SYNDIG1: variants seen among roughly 807,000 people sequenced by gnomAD.
The protein encoded by SYNDIG1 is synapse differentiation-inducing gene protein 1.
A neutral mutation model predicts 19.4 loss-of-function variants in SYNDIG1; 9 were observed. The observed-to-expected ratio is 0.46, with a 90% CI of 0.28 to 0.81. The LOEUF (loss-of-function observed/expected upper bound fraction) is 0.81, where lower values mean the gene tolerates loss of function less well. Ranked by LOEUF, SYNDIG1 falls within the 30% of genes least tolerant of loss-of-function variation. SYNDIG1 has a pLI of 0.12. For synonymous variants in SYNDIG1, 141 were observed against 145.9 expected, an observed-to-expected ratio of 0.97 and a Z score of 0.24; for missense variants, 311 against 343.3, an observed-to-expected ratio of 0.91 and a Z score of 0.74.
intron 3 of SYNDIG1, among the ~76,000 whole-genome samples, chr20:24,644,820 G>T (rs377034167): frequency 6.6e-6 from 1 of 152,118 alleles, no homozygotes; most frequent in Admixed American, 6.6e-5. Context: ...AGCCACTGGG[G>T]TACTTAGCCA....
chr20:24,496,776 C>T (rs1435169455), intron 1 of SYNDIG1, among the ~76,000 whole-genome samples: 2 of 152,190 alleles, frequency 1.3e-5, no homozygotes, highest in Non-Finnish European at 2.9e-5. Context: ...TATCCCCTGA[C>T]ACAATATACC....
intron 2 of SYNDIG1, among the ~76,000 whole-genome samples, chr20:24,584,393 C>A (rs2058378379): frequency 6.6e-6 from 1 of 152,262 alleles, no homozygotes; most frequent in African/African-American, 2.4e-5. Context: ...CGCGCCTGGA[C>A]TATGCCTTCT....
intron 3 of SYNDIG1, among the ~76,000 whole-genome samples, chr20:24,653,124 CTTTA>C (rs756847973): frequency 2.6e-5 from 4 of 152,124 alleles, no homozygotes; most frequent in African/African-American, 7.2e-5. Context: ...TTCATAAAAT[CTTTA>C]TTTAAGTTAT....
chr20:24,565,279 G>A (rs950731886), intron 2 of SYNDIG1, among the ~76,000 whole-genome samples: 1 of 152,222 alleles, frequency 6.6e-6, no homozygotes, highest in African/African-American at 2.4e-5. Flanking sequence ...TACAATGCAA[G>A]AAGTATCTTT....
intron 3 of SYNDIG1, among the ~76,000 whole-genome samples, chr20:24,631,195 G>T (rs1006073616): frequency 2.0e-5 from 3 of 152,240 alleles, no homozygotes; most frequent in African/African-American, 7.2e-5. Flanking sequence ...ATTGAAGTCT[G>T]GGGAAATTAG....
At chr20:24,511,520 G>C (rs980650289) in intron 1 of SYNDIG1, among the ~76,000 whole-genome samples, 1 of 152,068 alleles carries the variant, frequency 6.6e-6, no homozygotes, top group Admixed American at 6.6e-5. Context: ...TCCCGTCTTT[G>C]TTTGGGGGTC....
chr20:24,549,594 G>C (rs1016902519), intron 2 of SYNDIG1, among the ~76,000 whole-genome samples: 17 of 152,140 alleles, frequency 1.1e-4, no homozygotes, highest in African/African-American at 3.9e-4. Context: ...GTGTCTAGGG[G>C]TGGGTGACTG....
At position 24,528,291 on chromosome 20, in the gene SYNDIG1, G is replaced by A. The variant is rs368948748; in HGVS notation, c.-78-14729G>A. Among the ~76,000 whole-genome samples, 11 of 152,206 alleles carry A rather than the reference G, an allele frequency of 7.2e-5. No individual in the cohort carries two copies. In the East Asian group the frequency reaches 1.7e-3, roughly 24 times the overall value. ...TATGGTTGTTTTATAATCTTCATCT[G>A]AAAGTGTTAATACCTACATTCACTG... On this transcript the variant is annotated intron_variant, in intron 1 of 3. Transcript: ENST00000376862.
chr20:24,590,377 G>A (rs1290172726), intron 3 of SYNDIG1, among the ~76,000 whole-genome samples: 1 of 152,170 alleles, frequency 6.6e-6, no homozygotes, highest in Non-Finnish European at 1.5e-5. Context: ...TCTTTAGGCT[G>A]TGACCGAGCG....
intron 2 of SYNDIG1, among the ~76,000 whole-genome samples, chr20:24,558,019 GT>G: frequency 6.6e-6 from 1 of 152,292 alleles, no homozygotes; most frequent in South Asian, 2.1e-4. Flanking sequence ...AAAGTTAGGG[GT>G]TTATATAGCA....
intron 2 of SYNDIG1, among the ~76,000 whole-genome samples, chr20:24,551,516 C>T (rs961929675): frequency 6.6e-6 from 1 of 151,402 alleles, no homozygotes; most frequent in African/African-American, 2.4e-5. Flanking sequence ...GACATCCTGC[C>T]CTCTGTTTCC....
At chr20:24,547,751 TCTC>T (rs1190721754) in intron 2 of SYNDIG1, among the ~76,000 whole-genome samples, 1 of 152,126 alleles carries the variant, frequency 6.6e-6, no homozygotes, top group African/African-American at 2.4e-5. Flanking sequence ...GGAAGCCACT[TCTC>T]CTTTCACACA....
At chr20:24,605,821 G>A (rs995111661) in intron 3 of SYNDIG1, among the ~76,000 whole-genome samples, 11 of 152,214 alleles carry the variant, frequency 7.2e-5, no homozygotes, top group African/African-American at 1.7e-4. Flanking sequence ...AGCCTGTGAC[G>A]TGTGGGACCC....
intron 3 of SYNDIG1, among the ~76,000 whole-genome samples, chr20:24,661,512 A>T (rs150750015): frequency 2.4e-5 from 3 of 124,400 alleles, no homozygotes; most frequent in Admixed American, 8.0e-5. Context: ...AAGAGGGAGG[A>T]AGGAGGGAGG....
chr20:24,602,976 C>G (rs1375096506), intron 3 of SYNDIG1, among the ~76,000 whole-genome samples: 1 of 152,118 alleles, frequency 6.6e-6, no homozygotes, highest in African/African-American at 2.4e-5. Flanking sequence ...CATGAGTAAC[C>G]AACACAATGC....
At chr20:24,614,449 G>A (rs2058898022) in intron 3 of SYNDIG1, among the ~76,000 whole-genome samples, 1 of 152,170 alleles carries the variant, frequency 6.6e-6, no homozygotes, top group Non-Finnish European at 1.5e-5. Context: ...AACAACCAAG[G>A]GAACTGGCTC....
intron 2 of SYNDIG1, among the ~76,000 whole-genome samples, chr20:24,557,972 A>G (rs1166578172): frequency 6.6e-6 from 1 of 152,116 alleles, no homozygotes; most frequent in African/African-American, 2.4e-5. Context: ...AGCCGAGGAG[A>G]TGGGAGCTCA....
chr20:24,543,163 GA>G lies in SYNDIG1; in HGVS notation c.68del (p.Asn23MetfsTer3). 1 of 1,614,114 alleles carries G rather than the reference GA, an allele frequency of 6.2e-7. No individual in the cohort carries two copies. The highest frequency in any genetic ancestry group is 8.5e-7 in the Non-Finnish European group (1 of 1,180,020). On this transcript the variant is annotated frameshift_variant, in exon 2 of 4. Transcript: ENST00000376862. LOFTEE classifies it high-confidence loss of function. The part of the protein sequence containing the change: ...HSKISDAGKR[N>X]GLINTRNLMA... ...GTAAAATCAGTGATGCTGGCAAGAG[GA>G]ATGGTTTAATTAACACCAGAAACTT...
chr20:24,581,764 T>C (rs994138563), intron 2 of SYNDIG1, among the ~76,000 whole-genome samples: 2 of 150,318 alleles, frequency 1.3e-5, no homozygotes, highest in Non-Finnish European at 3.0e-5. Context: ...CCATGTTGCA[T>C]GTGCTCCATG....
Sources: gnomAD v4.1 joint callset for allele counts (sites outside exome capture counted in the v4.1 genomes callset) on GRCh38, gnomAD v4.1.1 for gene constraint, MANE v1.5 for transcripts, NCBI Gene and HGNC (gene_info 2026-07-23, HGNC 2026-07-21) for gene names.